The following MTREX variants were observed in gnomAD, a reference collection of about 807,000 sequenced individuals.
MTREX encodes Mtr4 exosome RNA helicase.
In MTREX, 76 loss-of-function variants were observed where a neutral mutation model predicts 135.4. The ratio of observed to expected loss-of-function variants is 0.56; its 90% CI spans 0.47 to 0.68. The LOEUF (loss-of-function observed/expected upper bound fraction) is 0.68, where lower values mean the gene tolerates loss of function less well. MTREX is among the 30% of genes least tolerant of loss of function. MTREX has a pLI of 0.00. For synonymous variants in MTREX, 404 were observed against 401.6 expected, an observed-to-expected ratio of 1.01 and a Z score of -0.07; for missense variants, 920 against 1,262.1, an observed-to-expected ratio of 0.73 and a Z score of 4.11.
chr5:55,346,165 T>C (rs540157284), intron 10 of MTREX, among the ~76,000 whole-genome samples: 1 of 152,332 alleles, frequency 6.6e-6, no homozygotes, highest in East Asian at 1.9e-4. Flanking sequence ...GAATAGGTGT[T>C]TTCCTCTGGA....
chr5:55,373,475 G>A (rs1750240437), intron 16 of MTREX, among the ~76,000 whole-genome samples: 1 of 152,086 alleles, frequency 6.6e-6, no homozygotes, highest in South Asian at 2.1e-4. Context: ...TATTTGTTGA[G>A]GAAGATGGTG....
chr5:55,378,859 G>A (rs996001030), intron 17 of MTREX, among the ~76,000 whole-genome samples: 1 of 152,076 alleles, frequency 6.6e-6, no homozygotes, highest in Non-Finnish European at 1.5e-5. Flanking sequence ...TTATATCCTT[G>A]GAACATTCTG....
intron 7 of MTREX, 61 bp from the exon 8 acceptor site, chr5:55,343,270 A>G (rs1167359591): frequency 1.4e-6 from 2 of 1,396,306 alleles, no homozygotes; most frequent in East Asian, 2.3e-5. Context: ...AATTTTAGAT[A>G]TTATCACAGA....
intron 21 of MTREX, among the ~76,000 whole-genome samples, chr5:55,403,798 T>C (rs973384608): frequency 9.9e-5 from 15 of 152,198 alleles, no homozygotes; most frequent in African/African-American, 3.4e-4. Flanking sequence ...ATATAAATAA[T>C]CACTAAGAGC....
intron 25 of MTREX, among the ~76,000 whole-genome samples, chr5:55,419,146 A>G (rs1001626782): frequency 2.0e-5 from 3 of 152,154 alleles, no homozygotes; most frequent in African/African-American, 7.2e-5. Flanking sequence ...CAGCTGGCCT[A>G]CACATGTTTT....
At position 55,375,142 on chromosome 5, in the gene MTREX, G is replaced by A. The variant is rs182632453; in HGVS notation, c.1811-3172G>A. 4.5e-3 allele frequency among the ~76,000 whole-genome samples: 683 copies of A among 152,300 alleles called. 5 individuals carry two copies. The highest frequency in any genetic ancestry group is 0.015 in the African/African-American group (622 of 41,568). On this transcript the variant is annotated intron_variant, in intron 16 of 26. Transcript: ENST00000230640. ...GGAGGCAGGGCGAGATCACAGGACC[G>A]CAGGACCAGGGCGAAATTAAAATTG... is the stretch of plus-strand genomic sequence containing the variant.
chr5:55,326,171 C>T (rs1453207526), intron 3 of MTREX, among the ~76,000 whole-genome samples: 6 of 152,130 alleles, frequency 3.9e-5, no homozygotes, highest in South Asian at 4.2e-4. Flanking sequence ...GCGAGGCAGG[C>T]GGATTGCCTG....
chr5:55,389,727 A>G (rs1412887360), intron 19 of MTREX, among the ~76,000 whole-genome samples: 1 of 152,190 alleles, frequency 6.6e-6, no homozygotes, highest in Non-Finnish European at 1.5e-5. Context: ...CCCCCTCTTT[A>G]GAAAGAACTT....
rs779707257 is a variant in MTREX, at chr5:55,379,195, G to A, written c.2052G>A (p.Lys684=). The change falls in exon 18 of 27, where the codon AAG becomes AAA. Residue 684 remains lysine (K), a splice_region_variant and synonymous_variant. Transcript: ENST00000230640. ...ATTTCTCAAAAAAGTCAAATGTTAA[G>A]GTAAACTATTATCTTTAAATTAGAA... The part of the protein sequence containing the change: ...VVNFSKKSNV[K]PNSGELDPLY... The A allele has an allele frequency of 1.9e-6, 3 of 1,551,112 alleles. No individual in the cohort carries two copies. Among genetic ancestry groups the A allele is most frequent in the Non-Finnish European group, 2.7e-6 (3 of 1,125,512 alleles).
rs547688366 is a variant in MTREX, at chr5:55,390,423, AC to A, written c.2181+2322del. On this transcript the variant is annotated intron_variant, in intron 19 of 26. Transcript: ENST00000230640. ...GCCTTGAAGACTACTTTCTGAAGTG[AC>A]TTTTCCTTGTATCTATAATATTCTT... Among the ~76,000 whole-genome samples the A allele has an allele frequency of 2.0e-3, 301 of 152,202 alleles. 1 individual carries two copies. The highest frequency in any genetic ancestry group is 6.8e-3 in the African/African-American group (283 of 41,538).
At chr5:55,371,725 T>C (rs1335481396) in intron 16 of MTREX, among the ~76,000 whole-genome samples, 1 of 152,184 alleles carries the variant, frequency 6.6e-6, no homozygotes, top group East Asian at 1.9e-4. Flanking sequence ...ATGTATATTA[T>C]CAATTTTGAA....
chr5:55,401,770 G>A (rs1024225578), intron 21 of MTREX, among the ~76,000 whole-genome samples: 12 of 152,104 alleles, frequency 7.9e-5, no homozygotes, highest in Non-Finnish European at 4.4e-5. Flanking sequence ...TAAGCATTCT[G>A]TATAGCAAAT....
At chr5:55,371,294 A>C (rs915424206) in intron 16 of MTREX, among the ~76,000 whole-genome samples, 2 of 152,200 alleles carry the variant, frequency 1.3e-5, no homozygotes, top group African/African-American at 4.8e-5. Flanking sequence ...GCAGTAAAGC[A>C]ATCTGTGCTT....
intron 22 of MTREX, among the ~76,000 whole-genome samples, chr5:55,408,876 A>G (rs1193708579): frequency 1.3e-5 from 2 of 152,152 alleles, no homozygotes; most frequent in Non-Finnish European, 2.9e-5. Context: ...CTCAGACCCT[A>G]AGTAAATTCT....
At position 55,363,030 on chromosome 5, in the gene MTREX, AGT is replaced by A. The variant is rs368029559; in HGVS notation, c.1660-3691_1660-3690del. Among the ~76,000 whole-genome samples, 204 of 152,334 alleles carry A rather than the reference AGT, an allele frequency of 1.3e-3. 2 individuals carry two copies. The Middle Eastern group carries it at 0.024, about 18-fold the overall frequency. On this transcript the variant is annotated intron_variant, in intron 15 of 26. Transcript: ENST00000230640. ...GAGTACATAAAGTGCTCATTTCAAT[AGT>A]GTGATACTTCTAGTCAGTGGTGTGT...
chr5:55,315,309 C>T (rs924649634), intron 1 of MTREX, among the ~76,000 whole-genome samples: 18 of 152,052 alleles, frequency 1.2e-4, no homozygotes, highest in African/African-American at 4.3e-4. Context: ...ATATTTTCCC[C>T]AATGTTTTGT....
intron 15 of MTREX, among the ~76,000 whole-genome samples, chr5:55,362,256 A>G (rs1275952953): frequency 6.6e-6 from 1 of 151,702 alleles, no homozygotes; most frequent in Non-Finnish European, 1.5e-5. Context: ...TTAAAGGAGC[A>G]ATAGAGAAAC....
In MTREX at chr5:55,425,303, C is replaced by CTTTCT. The variant is rs1318148518; in HGVS notation, c.*534_*538dup. ...CTCTTTTCTTTCTTTAAAAGAAGTT[C>CTTTCT]TTTCTTTGAAGAAATCCGATACATA... is the stretch of plus-strand genomic sequence containing the variant. On this transcript the variant is annotated 3_prime_UTR_variant, in exon 27 of 27. Transcript: ENST00000230640. The CTTTCT allele has an allele frequency of 6.2e-6, 10 of 1,607,534 alleles. No homozygotes were observed. The highest frequency in any genetic ancestry group is 8.5e-6 in the Non-Finnish European group (10 of 1,174,650).
intron 22 of MTREX, among the ~76,000 whole-genome samples, chr5:55,408,643 A>G (rs1276581489): frequency 1.3e-5 from 2 of 152,232 alleles, no homozygotes; most frequent in African/African-American, 2.4e-5. Context: ...GTATGGGTCA[A>G]TTGAACCCTG....
Sources: gnomAD v4.1 joint callset for allele counts (sites outside exome capture counted in the v4.1 genomes callset) on GRCh38, gnomAD v4.1.1 for gene constraint, MANE v1.5 for transcripts, NCBI Gene and HGNC (gene_info 2026-07-23, HGNC 2026-07-21) for gene names.